INTS1: variants seen among roughly 807,000 people sequenced by gnomAD.
INTS1 encodes integrator complex subunit 1.
INTS1 carries 137 observed loss-of-function variants against 241.6 expected under a neutral mutation model. The ratio of observed to expected loss-of-function variants is 0.57; its 90% confidence interval spans 0.49 to 0.65. INTS1 has a LOEUF of 0.65. INTS1 is among the 30% of genes least tolerant of loss of function. The pLI, the probability that INTS1 is intolerant of heterozygous loss-of-function variation, is 0.00. For synonymous variants in INTS1, 1,692 were observed against 1,337.8 expected (o/e 1.26, Z -5.78); for missense variants, 3,073 against 3,032.2 (o/e 1.01, Z -0.32).
In INTS1 at chr7:1,499,039, C is replaced by T; in HGVS notation, c.1073G>A (p.Cys358Tyr). The T allele has an allele frequency of 6.3e-7, 1 of 1,585,078 alleles. No individual in the cohort carries two copies. The highest frequency in any genetic ancestry group is 8.6e-7 in the Non-Finnish European group (1 of 1,167,070). Reference protein sequence around the residue: ...RNLLRLLTSTCGYKEVRLLAV... With the variant: ...RNLLRLLTSTYGYKEVRLLAV... ...CAGCAGCCGCACCTCCTTATAGCCG[C>T]AGGTGGAGGTGAGGAGCCGCAGGAG... The change falls in exon 8 of 48, where the codon TGC becomes TAC. Residue 358 changes from cysteine (C) to tyrosine (Y), a missense_variant. Physicochemically the swap from Cys to Tyr is radical, Grantham distance 194. Transcript: ENST00000404767.
chr7:1,472,621 C>T (rs1225741900), intron 43 of INTS1, among the ~76,000 whole-genome samples: 4 of 152,184 alleles, frequency 2.6e-5, no homozygotes, highest in African/African-American at 9.6e-5. Flanking sequence ...TGGGCCAGGA[C>T]CCACTGGGCA....
intron 16 of INTS1, among the ~76,000 whole-genome samples, chr7:1,490,624 T>C (rs1782506142): frequency 6.6e-6 from 1 of 152,322 alleles, no homozygotes; most frequent in South Asian, 2.1e-4. Context: ...TCGCAGGGCG[T>C]GGCCTCACTG....
chr7:1,478,859 G>C lies in INTS1; in HGVS notation c.4356C>G (p.Phe1452Leu). The change falls in exon 32 of 48, where the codon TTC becomes TTG. Residue 1452 changes from phenylalanine (F) to leucine (L), a missense_variant. Transcript: ENST00000404767. ...YQRCVPQDTG[F>L]SSLFLKVLLQ... ...GGAGCACCTTCAGGAAGAGCGAGGA[G>C]AAGCCGGTGTCCTGTGGCACACAGC... 1 of 1,610,262 alleles carries C rather than the reference G, an allele frequency of 6.2e-7. No individual in the cohort carries two copies. Among genetic ancestry groups the C allele is most frequent in the Non-Finnish European group, 8.5e-7 (1 of 1,178,296 alleles).
Position 1,486,955 on chromosome 7 carries a change from G to T in INTS1, c.2793C>A (p.Gly931=), listed in dbSNP as rs751597790. ...DAASGEEDDE[G]ESKEQKAKKR... ...TCTTGGCCTTCTGCTCCTTGCTCTC[G>T]CCCTCGTCGTCCTCCTCCCCGGAAG... The change falls in exon 21 of 48, where the codon GGC becomes GGA. Residue 931 remains glycine (G), a synonymous_variant. Transcript: ENST00000404767. 5.0e-6 allele frequency: 8 copies of T among 1,607,192 alleles called. No homozygotes were observed. Among genetic ancestry groups the T allele is most frequent in the Non-Finnish European group, 6.8e-6 (8 of 1,179,146 alleles).
rs1027354956 is a variant in INTS1, at chr7:1,481,629, C to G, written c.3704-141G>C. On this transcript the variant is annotated intron_variant, in intron 27 of 47. Transcript: ENST00000404767. This position sits in a 1 kb window ranked among gnomAD's most constrained non-coding sequence, Gnocchi z 6.8. ...GCCACGTGGGCTCGGTGACCCCACC[C>G]AAGACCTGGGGCAGTGCACACTCGG... is the stretch of plus-strand genomic sequence containing the variant. 1.5e-6 allele frequency: 1 copy of G among 681,228 alleles called. No homozygotes were observed. The highest frequency in any genetic ancestry group is 1.9e-5 in the African/African-American group (1 of 53,522). The allele number at this position is 681,228 out of a possible 1,614,324, so 42.2% of individuals were successfully genotyped here. A position where few individuals can be genotyped will look rare whatever the true frequency, so the allele number is the denominator to read the frequency against.
rs374451629 is a variant in INTS1 at position 1,489,612 on chromosome 7, C to A, written c.2236G>T (p.Ala746Ser). Reference sequence around the variant, plus strand: ...TCACCGATGTTCTCTGGGTTGAATGCGGCGACGACCAGCAGGAGGGGCCAG... The same window carrying A: ...TCACCGATGTTCTCTGGGTTGAATGAGGCGACGACCAGCAGGAGGGGCCAG... Reference protein sequence around the residue: ...KAWPLLLVVAAFNPENIGLAA... With the variant: ...KAWPLLLVVASFNPENIGLAA... Residue 746 changes from alanine to serine, a missense_variant, in exon 17 of 48, where the codon GCA becomes TCA. Physicochemically the swap from Ala to Ser is moderately conservative, Grantham distance 99. Transcript: ENST00000404767. 43 of 1,585,946 alleles carry A rather than the reference C, an allele frequency of 2.7e-5. No individual in the cohort carries two copies. Among genetic ancestry groups the A allele is most frequent in the Non-Finnish European group, 3.1e-5 (36 of 1,164,796 alleles).
Position 1,503,955 on chromosome 7 carries a change from G to A in INTS1, c.6C>T (p.Asn2=), listed in dbSNP as rs1189026381. 1.9e-6 allele frequency: 3 copies of A among 1,564,648 alleles called. No homozygotes were observed. Among genetic ancestry groups the A allele is most frequent in the Non-Finnish European group, 2.6e-6 (3 of 1,155,536 alleles). ...GGCGCACCGTGGTGGGCTTGGCCCG[G>A]TTCATCCTGCCCCGTCCCTCGCGGC... M[N]RAKPTTVRRP... Residue 2 remains asparagine, a synonymous_variant, in exon 2 of 48, where the codon AAC becomes AAT. Coordinates refer to ENST00000404767, the MANE Select transcript of INTS1 (RefSeq NM_001080453.3).
In INTS1 at chr7:1,497,964, A is replaced by G. The variant is rs1450943527; in HGVS notation, c.1425+448T>C. Among the ~76,000 whole-genome samples the G allele has an allele frequency of 6.6e-6, 1 of 152,262 alleles. No individual in the cohort carries two copies. The highest frequency in any genetic ancestry group is 2.4e-5 in the African/African-American group (1 of 41,484). On this transcript the variant is annotated intron_variant, in intron 10 of 47. Coordinates refer to ENST00000404767, the MANE Select transcript of INTS1 (RefSeq NM_001080453.3). This position sits in a 1 kb window ranked among gnomAD's most constrained non-coding sequence, Gnocchi z 5.3. The stretch of plus-strand genomic sequence containing the variant: ...CACAGGGGCTCATGCCTGTCATCCC[A>G]GCACTTTGGGAGGTTGAGGCAGGAG...
At position 1,497,465 on chromosome 7, in the gene INTS1, C is replaced by G. The variant is rs1177241094; in HGVS notation, c.1426-151G>C. 6.6e-6 allele frequency among the ~76,000 whole-genome samples: 1 copy of G among 152,146 alleles called. No homozygotes were observed. The highest frequency in any genetic ancestry group is 2.4e-5 in the African/African-American group (1 of 41,434). On this transcript the variant is annotated intron_variant, in intron 10 of 47. Coordinates refer to ENST00000404767, the MANE Select transcript of INTS1 (RefSeq NM_001080453.3). This position sits in a 1 kb window ranked among gnomAD's most constrained non-coding sequence, Gnocchi z 5.3. ...GCGGGGTGGCGGGCTCCTTGCTCTA[C>G]TGGCTGCCAGCCCTTGGCGAGCAGG...
chr7:1,503,939 T>C lies in INTS1; in HGVS notation c.22A>G (p.Thr8Ala). ...GCCGCGGCGCTGGGCCGGCGCACCGTGGTGGGCTTGGCCCGGTTCATCCTG... is the reference window on the plus strand; with the variant it reads ...GCCGCGGCGCTGGGCCGGCGCACCGCGGTGGGCTTGGCCCGGTTCATCCTG... MNRAKPT[T>A]VRRPSAAAKP... The change falls in exon 2 of 48, where the codon ACG becomes GCG. Residue 8 changes from threonine to alanine, a missense_variant. By Grantham distance (58) the Thr-to-Ala change is moderately conservative. Transcript: ENST00000404767. 1 of 1,559,196 alleles carries C rather than the reference T, an allele frequency of 6.4e-7. No individual in the cohort carries two copies. Among genetic ancestry groups the C allele is most frequent in the Non-Finnish European group, 8.7e-7 (1 of 1,153,748 alleles).
At position 1,499,379 on chromosome 7, in the gene INTS1, G is replaced by A; in HGVS notation, c.845-19C>T. 2 of 1,564,046 alleles carry A rather than the reference G, an allele frequency of 1.3e-6. No individual in the cohort carries two copies. The highest frequency in any genetic ancestry group is 1.7e-6 in the Non-Finnish European group (2 of 1,151,822). On this transcript the variant is annotated intron_variant, in intron 6 of 47. Coordinates refer to ENST00000404767, the MANE Select transcript of INTS1 (RefSeq NM_001080453.3). ...CTGCTCCCTGCAAACCAAGGAGAGGGCTCCATGCAGCGCCTCCCACCCGCC... is the reference window on the plus strand; with the variant it reads ...CTGCTCCCTGCAAACCAAGGAGAGGACTCCATGCAGCGCCTCCCACCCGCC...
rs115940170 is a variant in INTS1 at position 1,502,413 on chromosome 7, G to A, written c.349+488C>T. The stretch of plus-strand genomic sequence containing the variant: ...ACAGTGGTGAAGCTTACATTCCCCC[G>A]TTGATGTCCTTACTGTTCTGCTGCT... On this transcript the variant is annotated intron_variant, in intron 3 of 47. Coordinates refer to ENST00000404767, the MANE Select transcript of INTS1 (RefSeq NM_001080453.3). Among the ~76,000 whole-genome samples, 1,185 of 152,248 alleles carry A rather than the reference G, an allele frequency of 7.8e-3. 11 individuals carry two copies. The highest frequency in any genetic ancestry group is 0.027 in the African/African-American group (1,114 of 41,532).
chr7:1,489,769 G>A, intron 16 of INTS1, 87 bp from the exon 17 acceptor site: 1 of 954,650 alleles, frequency 1.0e-6, no homozygotes, highest in Non-Finnish European at 1.5e-6. Flanking sequence ...AGCTGGGGCA[G>A]GGACGGTGCT....
intron 31 of INTS1, among the ~76,000 whole-genome samples, chr7:1,479,130 G>C (rs553520031): frequency 6.6e-6 from 1 of 152,256 alleles, no homozygotes; most frequent in Non-Finnish European, 1.5e-5. Flanking sequence ...AAAGGAAAAA[G>C]TAAACACAGA....
chr7:1,472,465 G>C, intron 43 of INTS1, 79 bp from the exon 44 acceptor site: 2 of 1,026,238 alleles, frequency 1.9e-6, no homozygotes, highest in Non-Finnish European at 2.8e-6. Flanking sequence ...CTGCCCTCCC[G>C]AGAGCACGGC....
intron 31 of INTS1, among the ~76,000 whole-genome samples, chr7:1,479,192 G>A (rs1781875612): frequency 6.6e-6 from 1 of 152,270 alleles, no homozygotes; most frequent in Admixed American, 6.5e-5. Context: ...AGCAAGGCAG[G>A]AGCGCCGAGC....
intron 33 of INTS1, 122 bp from the exon 34 acceptor site, chr7:1,478,058 A>G: frequency 1.2e-6 from 1 of 861,920 alleles, no homozygotes; most frequent in East Asian, 2.5e-5. Context: ...AGCAGAGTCC[A>G]GCCGGAGCCA....
chr7:1,481,532 A>G lies in INTS1; in HGVS notation c.3704-44T>C. On this transcript the variant is annotated intron_variant, in intron 27 of 47. Transcript: ENST00000404767. The surrounding 1 kb of genome is among the most constrained non-coding windows in gnomAD (Gnocchi z 6.8). ...CGTAACGCCACCCAAAACCCGGGCA[A>G]TGCGCACTCGGGACCCCACCCGAGA... is the stretch of plus-strand genomic sequence containing the variant. The G allele has an allele frequency of 3.2e-6, 5 of 1,562,474 alleles. No homozygotes were observed. The South Asian group carries it at 5.9e-5, about 18-fold the overall frequency.
Position 1,486,913 on chromosome 7 carries a change from G to A in INTS1, c.2826+9C>T, listed in dbSNP as rs377533427. On this transcript the variant is annotated intron_variant, in intron 21 of 47. Coordinates refer to ENST00000404767, the MANE Select transcript of INTS1 (RefSeq NM_001080453.3). ...GAGGCGGGGGGGCTGAGGGGTGGGC[G>A]GCCCTGACCTGCCGCTTCTTGGCCT... 68 of 1,591,004 alleles carry A rather than the reference G, an allele frequency of 4.3e-5. No individual in the cohort carries two copies. The East Asian group carries it at 5.9e-4, about 14-fold the overall frequency.
Sources: gnomAD v4.1 joint callset for allele counts (sites outside exome capture counted in the v4.1 genomes callset) on GRCh38, gnomAD v4.1.1 for gene constraint, Gnocchi (gnomAD v3.1) non-coding constraint, MANE v1.5 for transcripts, NCBI Gene and HGNC (gene_info 2026-07-23, HGNC 2026-07-21) for gene names.